SLC30A4: variants seen among roughly 807,000 people sequenced by gnomAD.
The protein encoded by SLC30A4 is solute carrier family 30 member 4, also known as probable proton-coupled zinc antiporter SLC30A4.
In SLC30A4, 20 loss-of-function variants were observed where a neutral mutation model predicts 41.7. That is an observed-to-expected ratio of 0.48 (90% confidence interval 0.34 to 0.70). SLC30A4 has a LOEUF of 0.70. Among genes scored for constraint, SLC30A4 ranks in the 30% least tolerant of loss-of-function variants. The pLI is 0.01. For synonymous variants in SLC30A4, 181 were observed against 195.9 expected (o/e 0.92, Z 0.64); for missense variants, 441 against 529.3 (o/e 0.83, Z 1.64).
At chr15:45,494,482 C>T (rs1021484215) in intron 3 of SLC30A4, among the ~76,000 whole-genome samples, 3 of 152,090 alleles carry the variant, frequency 2.0e-5, no homozygotes, top group Non-Finnish European at 4.4e-5. Flanking sequence ...GTCAGGAGTT[C>T]GAGACCAGCC....
At chr15:45,486,586 C>A in intron 7 of SLC30A4, 25 bp downstream of exon 7, 1 of 1,566,496 alleles carries the variant, frequency 6.4e-7, no homozygotes, top group South Asian at 1.2e-5. Flanking sequence ...CAACCCCAGG[C>A]CCACATTTAC....
chr15:45,496,887 T>C (rs1303840231), intron 3 of SLC30A4, among the ~76,000 whole-genome samples: 5 of 150,430 alleles, frequency 3.3e-5, no homozygotes, highest in African/African-American at 1.2e-4. Context: ...AATAAATAGG[T>C]GTGGTAGCAC....
In SLC30A4 at chr15:45,496,245, TA is replaced by T. The variant is rs563799146; in HGVS notation, c.539-5365del. 3.5e-3 allele frequency among the ~76,000 whole-genome samples: 532 copies of T among 152,304 alleles called. 2 individuals carry two copies. Among genetic ancestry groups the T allele is most frequent in the Admixed American group, 4.6e-3 (70 of 15,296 alleles). On this transcript the variant is annotated intron_variant, in intron 3 of 7. Transcript: ENST00000261867. The stretch of plus-strand genomic sequence containing the variant: ...CCATAAATAGGACTAACTTAGGGTT[TA>T]AAAATTTTTCCTTCATAATATTCTT...
intron 3 of SLC30A4, among the ~76,000 whole-genome samples, chr15:45,496,128 C>G (rs1891902716): frequency 6.6e-6 from 1 of 152,094 alleles, no homozygotes. Flanking sequence ...ACAATACTAT[C>G]TAACTAAAAA....
chr15:45,509,584 C>T (rs899932378), intron 3 of SLC30A4, among the ~76,000 whole-genome samples: 1 of 151,952 alleles, frequency 6.6e-6, no homozygotes, highest in African/African-American at 2.4e-5. Flanking sequence ...TATGCAGTAG[C>T]TTAACAAAAG....
chr15:45,501,515 G>C (rs187621379), intron 3 of SLC30A4, among the ~76,000 whole-genome samples: 2 of 152,080 alleles, frequency 1.3e-5, no homozygotes, highest in Admixed American at 6.6e-5. Context: ...TTTTTGTCTT[G>C]TTTTAGACAG....
intron 3 of SLC30A4, among the ~76,000 whole-genome samples, chr15:45,507,153 C>G (rs946477660): frequency 6.6e-6 from 1 of 151,824 alleles, no homozygotes; most frequent in Non-Finnish European, 1.5e-5. Flanking sequence ...AATCCCGTCT[C>G]TACTAAAAAT....
At chr15:45,513,201 CTTT>C (rs539115300) in intron 2 of SLC30A4, among the ~76,000 whole-genome samples, 2 of 130,152 alleles carry the variant, frequency 1.5e-5, no homozygotes, top group Non-Finnish European at 1.7e-5. Context: ...ATTAATTAAA[CTTT>C]TTTTTTTTTT....
At chr15:45,517,145 CTCTT>C (rs1009163953) in intron 2 of SLC30A4, among the ~76,000 whole-genome samples, 3 of 151,680 alleles carry the variant, frequency 2.0e-5, no homozygotes, top group East Asian at 1.9e-4. Context: ...TTGAAATACT[CTCTT>C]TTTTAAAAAA....
chr15:45,485,690 G>T (rs1327700269), intron 7 of SLC30A4, among the ~76,000 whole-genome samples: 1 of 151,132 alleles, frequency 6.6e-6, no homozygotes, highest in Non-Finnish European at 1.5e-5. Flanking sequence ...CTTTTCCTAT[G>T]TAGAAAAGAG....
At position 45,522,337 on chromosome 15, in the gene SLC30A4, C is replaced by T; in HGVS notation, c.18G>A (p.Ala6=). ...TTAGCATAGATTTGAGGCGCTTCCACGCGCCAGAGCCGGCCATGGCAGAGG... is the reference window on the plus strand; with the variant it reads ...TTAGCATAGATTTGAGGCGCTTCCATGCGCCAGAGCCGGCCATGGCAGAGG... MAGSG[A]WKRLKSMLRK... is the part of the protein sequence containing the mutation. Residue 6 remains alanine (A), a synonymous_variant, in exon 2 of 8, where the codon GCG becomes GCA. Transcript: ENST00000261867. 1.9e-6 allele frequency: 3 copies of T among 1,610,342 alleles called. No individual in the cohort carries two copies. Among genetic ancestry groups the T allele is most frequent in the Non-Finnish European group, 2.5e-6 (3 of 1,178,536 alleles).
chr15:45,495,958 G>C (rs899620138), intron 3 of SLC30A4, among the ~76,000 whole-genome samples: 2 of 152,130 alleles, frequency 1.3e-5, no homozygotes, highest in Non-Finnish European at 2.9e-5. Flanking sequence ...AAAGACACTA[G>C]TCTGTTATCT....
At position 45,486,600 on chromosome 15, in the gene SLC30A4, C is replaced by G; in HGVS notation, c.1135+11G>C. 1 of 1,578,196 alleles carries G rather than the reference C, an allele frequency of 6.3e-7. No homozygotes were observed. The highest frequency in any genetic ancestry group is 8.6e-7 in the Non-Finnish European group (1 of 1,167,396). On this transcript the variant is annotated intron_variant, in intron 7 of 7. Transcript: ENST00000261867. Reference sequence around the variant, plus strand: ...CCAACCCCAGGCCCACATTTACTACCAGCAACATACTTAGCTGTATGTGAA... The same window carrying G: ...CCAACCCCAGGCCCACATTTACTACGAGCAACATACTTAGCTGTATGTGAA...
intron 2 of SLC30A4, among the ~76,000 whole-genome samples, chr15:45,514,152 C>T (rs1448614874): frequency 6.6e-6 from 1 of 152,060 alleles, no homozygotes; most frequent in Non-Finnish European, 1.5e-5. Flanking sequence ...TCGAGACCAG[C>T]CTGACCAATA....
rs547854277 is a variant in SLC30A4, at chr15:45,520,723, C to T, written c.391+1241G>A. 2.6e-5 allele frequency among the ~76,000 whole-genome samples: 4 copies of T among 152,294 alleles called. No individual in the cohort carries two copies. The East Asian group carries it at 5.8e-4, about 22-fold the overall frequency. The stretch of plus-strand genomic sequence containing the variant: ...AAATCCATTTAGTGAGCTGGGACCA[C>T]AATTGAAGAAACTATTAGGATACAT... On this transcript the variant is annotated intron_variant, in intron 2 of 7. Transcript: ENST00000261867.
At chr15:45,508,410 G>A (rs986991956) in intron 3 of SLC30A4, among the ~76,000 whole-genome samples, 2 of 152,034 alleles carry the variant, frequency 1.3e-5, no homozygotes, top group South Asian at 2.1e-4. Flanking sequence ...CACTGGGAAC[G>A]GCTTCCCACT....
chr15:45,485,217 A>C lies in SLC30A4; in HGVS notation c.1236T>G (p.Ser412Arg). 1.2e-6 allele frequency: 2 copies of C among 1,613,578 alleles called. No individual in the cohort carries two copies. The highest frequency in any genetic ancestry group is 1.7e-6 in the Non-Finnish European group (2 of 1,179,710). ...AAGTTCTGTCCACTTCTTGCCTGTA[A>C]CTCTGAAGCTGAATAGTACATCTAT... is the stretch of plus-strand genomic sequence containing the variant. ...GMYRCTIQLQSYRQEVDRTCA... is the reference protein window; with the variant it reads ...GMYRCTIQLQRYRQEVDRTCA... Residue 412 changes from serine to arginine, a missense_variant, in exon 8 of 8, where the codon AGT becomes AGG. Ser to Arg is a moderately radical substitution (Grantham distance 110). Around this residue, in one of 3 missense-constraint regions of SLC30A4, gnomAD observed 100 missense variants for 121.0 expected, o/e 0.83. Coordinates refer to ENST00000261867, the MANE Select transcript of SLC30A4 (RefSeq NM_013309.6).
At chr15:45,500,638 A>G (rs999305423) in intron 3 of SLC30A4, among the ~76,000 whole-genome samples, 1 of 129,680 alleles carries the variant, frequency 7.7e-6, no homozygotes, top group Non-Finnish European at 1.5e-5. Flanking sequence ...CTATCTATCT[A>G]TCTATCTATC....
chr15:45,496,516 G>T (rs921115617), intron 3 of SLC30A4, among the ~76,000 whole-genome samples: 2 of 152,030 alleles, frequency 1.3e-5, no homozygotes, highest in African/African-American at 4.8e-5. Context: ...TAAAATTCTG[G>T]ATTTCTGTGA....
Sources: allele counts gnomAD v4.1 joint callset (sites outside exome capture counted in the v4.1 genomes callset), GRCh38; gene constraint gnomAD v4.1.1; regional missense constraint gnomAD v4.1.1; transcripts MANE v1.5; gene names NCBI Gene and HGNC (gene_info 2026-07-23, HGNC 2026-07-21).